Variants in NCKAP5 observed in about 807,000 individuals in gnomAD.
NCKAP5 encodes the protein NCK associated protein 5, also known as nck-associated protein 5.
Under a neutral mutation model 167.0 loss-of-function variants are expected in NCKAP5, and 92 were observed. That is an observed-to-expected ratio of 0.55 (90% CI 0.47 to 0.66). The LOEUF is 0.66. Among genes scored for constraint, NCKAP5 ranks in the 30% least tolerant of loss-of-function variants. NCKAP5 has a pLI of 0.00. For missense variants in NCKAP5, 2,378 were observed against 2,315.0 expected, an observed-to-expected ratio of 1.03 and a Z score of -0.56; for synonymous variants, 891 against 877.4, an observed-to-expected ratio of 1.02 and a Z score of -0.27.
chr2:133,056,130 G>A (rs1015284014), intron 6 of NCKAP5, among the ~76,000 whole-genome samples: 1 of 152,020 alleles, frequency 6.6e-6, no homozygotes, highest in Non-Finnish European at 1.5e-5. Context: ...TATTTTGTCT[G>A]TACCACTTTC....
chr2:133,076,225 CACT>C (rs1162352487), intron 6 of NCKAP5, among the ~76,000 whole-genome samples: 1 of 152,106 alleles, frequency 6.6e-6, no homozygotes, highest in Non-Finnish European at 1.5e-5. Context: ...CTTCTTTGTA[CACT>C]CTATGGTTGG....
At chr2:133,323,191 A>G (rs767044639) in intron 3 of NCKAP5, among the ~76,000 whole-genome samples, 3 of 152,224 alleles carry the variant, frequency 2.0e-5, no homozygotes, top group Non-Finnish European at 4.4e-5. Context: ...GATATCATTT[A>G]TGGATATTTG....
At chr2:133,474,159 C>CT (rs1559511855) in intron 3 of NCKAP5, among the ~76,000 whole-genome samples, 2 of 109,982 alleles carry the variant, frequency 1.8e-5, no homozygotes, top group African/African-American at 3.2e-5. Context: ...TATCTATACA[C>CT]ACACACACAC....
At chr2:133,571,590 T>G (rs529860342), upstream of NCKAP5, among the ~76,000 whole-genome samples, 8 of 152,290 alleles carry the variant, frequency 5.3e-5, no homozygotes, top group East Asian at 1.5e-3. Flanking sequence ...TTTTTAAAAA[T>G]GTCTTATGCT....
intron 6 of NCKAP5, among the ~76,000 whole-genome samples, chr2:133,091,711 AC>A (rs1488375771): frequency 2.6e-4 from 39 of 151,654 alleles, no homozygotes; most frequent in Admixed American, 2.6e-3. Flanking sequence ...CACGGTGAAA[AC>A]CCGTCTCTAC....
At chr2:133,213,571 C>G in intron 5 of NCKAP5, 145 bp downstream of exon 5, 1 of 732,644 alleles carries the variant, frequency 1.4e-6, no homozygotes, top group Admixed American at 2.6e-5. Context: ...TGTATAAATT[C>G]TATTATAAAT....
At chr2:133,222,830 G>T (rs2086713749) in intron 4 of NCKAP5, among the ~76,000 whole-genome samples, 1 of 152,134 alleles carries the variant, frequency 6.6e-6, no homozygotes, top group South Asian at 2.1e-4. Flanking sequence ...AAATAGCAAT[G>T]AATATATATT....
intron 6 of NCKAP5, among the ~76,000 whole-genome samples, chr2:133,065,976 C>A (rs1268196530): frequency 6.6e-6 from 1 of 152,172 alleles, no homozygotes; most frequent in Non-Finnish European, 1.5e-5. Context: ...TAATTCTATT[C>A]ATCACTAATG....
At chr2:133,248,224 G>C (rs912867544) in intron 4 of NCKAP5, among the ~76,000 whole-genome samples, 1 of 152,216 alleles carries the variant, frequency 6.6e-6, no homozygotes, top group Non-Finnish European at 1.5e-5. Context: ...ACTAAGTGTG[G>C]TGAGTGATCT....
At chr2:133,417,392 C>T (rs1689184960) in intron 3 of NCKAP5, among the ~76,000 whole-genome samples, 1 of 152,212 alleles carries the variant, frequency 6.6e-6, no homozygotes, top group Non-Finnish European at 1.5e-5. Context: ...GCCCACAGCA[C>T]TCCTAAAGAC....
intron 19 of NCKAP5, among the ~76,000 whole-genome samples, chr2:132,681,573 AAAT>A (rs567684724): frequency 2.6e-5 from 4 of 151,978 alleles, no homozygotes; most frequent in Non-Finnish European, 5.9e-5. Context: ...TAAAAGAAAA[AAAT>A]AATTTTTTTG....
intron 3 of NCKAP5, among the ~76,000 whole-genome samples, chr2:133,405,912 T>C (rs1688396632): frequency 6.6e-6 from 1 of 152,236 alleles, no homozygotes; most frequent in South Asian, 2.1e-4. Context: ...GGCAATTGTT[T>C]TCTTAAGATG....
chr2:133,435,652 C>T (rs1357277216), intron 3 of NCKAP5, among the ~76,000 whole-genome samples: 1 of 152,082 alleles, frequency 6.6e-6, no homozygotes, highest in Non-Finnish European at 1.5e-5. Context: ...TGCTGGCCTA[C>T]AAAGGTTTTA....
At chr2:133,502,074 C>CT (rs767102308) in intron 3 of NCKAP5, among the ~76,000 whole-genome samples, 1 of 152,350 alleles carries the variant, frequency 6.6e-6, no homozygotes, top group Non-Finnish European at 1.5e-5. Context: ...TTTCCCGTGA[C>CT]TGCTACTTTG....
chr2:133,499,800 C>A (rs776011995), intron 3 of NCKAP5, among the ~76,000 whole-genome samples: 1 of 152,262 alleles, frequency 6.6e-6, no homozygotes, highest in Non-Finnish European at 1.5e-5. Context: ...CCTCATGATC[C>A]GCCCACCTCG....
At chr2:133,471,287 G>A (rs1055456546) in intron 3 of NCKAP5, among the ~76,000 whole-genome samples, 1 of 152,164 alleles carries the variant, frequency 6.6e-6, no homozygotes, top group African/African-American at 2.4e-5. Flanking sequence ...CTCCTGCTAA[G>A]TGAGCGGCTC....
upstream of NCKAP5, among the ~76,000 whole-genome samples, chr2:133,569,443 T>C (rs1053285699): frequency 6.6e-6 from 1 of 152,184 alleles, no homozygotes; most frequent in Non-Finnish European, 1.5e-5. Context: ...TGACTAGTAT[T>C]TTTAGTTTGT....
At chr2:132,895,823 A>C (rs902626536) in intron 8 of NCKAP5, among the ~76,000 whole-genome samples, 2 of 146,804 alleles carry the variant, frequency 1.4e-5, no homozygotes, top group Non-Finnish European at 3.0e-5. Flanking sequence ...ACTCAAAAAA[A>C]AAAAAAAAAA....
chr2:132,748,807 G>A (rs10188746), intron 16 of NCKAP5, among the ~76,000 whole-genome samples: 80,604 of 150,902 alleles, frequency 0.53, 22,057 homozygotes, highest in East Asian at 0.85. Context: ...TTTTTGAGAC[G>A]GATTCTCACT....
Sources: gnomAD v4.1 joint callset for allele counts (sites outside exome capture counted in the v4.1 genomes callset) on GRCh38, gnomAD v4.1.1 for gene constraint, MANE v1.5 for transcripts, NCBI Gene and HGNC (gene_info 2026-07-23, HGNC 2026-07-21) for gene names.